Variants in GALNT17 observed in about 807,000 individuals in gnomAD.
GALNT17 encodes the protein UDP-GalNAc:polypeptide N-acetylgalactosaminyltransferase-like 3.
In GALNT17, 29 loss-of-function variants were observed where a neutral mutation model predicts 63.7. The ratio of observed to expected loss-of-function variants is 0.46; its 90% CI spans 0.34 to 0.62. The LOEUF (loss-of-function observed/expected upper bound fraction) is 0.62, where lower values mean the gene tolerates loss of function less well. Among genes scored for constraint, GALNT17 ranks in the 20% least tolerant of loss-of-function variants. The pLI, the probability that GALNT17 is intolerant of heterozygous loss-of-function variation, is 0.01. For synonymous variants in GALNT17, 305 were observed against 318.3 expected, an observed-to-expected ratio of 0.96 and a Z score of 0.45; for missense variants, 603 against 799.6, an observed-to-expected ratio of 0.75 and a Z score of 2.97.
At chr7:71,468,356 G>C (rs960422237) in intron 5 of GALNT17, among the ~76,000 whole-genome samples, 2 of 151,500 alleles carry the variant, frequency 1.3e-5, no homozygotes, top group Admixed American at 1.3e-4. Context: ...TCATATGATA[G>C]ATGAGATTGC....
At chr7:71,511,717 A>G (rs1788359488) in intron 5 of GALNT17, among the ~76,000 whole-genome samples, 1 of 152,076 alleles carries the variant, frequency 6.6e-6, no homozygotes, top group Admixed American at 6.6e-5. Flanking sequence ...AAATAAGTCT[A>G]CCATAGTGCC....
At chr7:71,489,789 C>A (rs1787976706) in intron 5 of GALNT17, among the ~76,000 whole-genome samples, 1 of 152,238 alleles carries the variant, frequency 6.6e-6, no homozygotes, top group Non-Finnish European at 1.5e-5. Flanking sequence ...TCAATGACCT[C>A]CACCTGACAA....
intron 5 of GALNT17, among the ~76,000 whole-genome samples, chr7:71,439,343 A>G (rs1184656775): frequency 2.6e-5 from 4 of 152,230 alleles, no homozygotes. Context: ...GGTGAAATAC[A>G]TGCTATTTCT....
At chr7:71,210,021 C>T (rs761315546) in intron 1 of GALNT17, among the ~76,000 whole-genome samples, 9 of 152,070 alleles carry the variant, frequency 5.9e-5, no homozygotes, top group Non-Finnish European at 1.0e-4. Flanking sequence ...CTCCTGGGTT[C>T]AAGCAATTCT....
intron 6 of GALNT17, among the ~76,000 whole-genome samples, chr7:71,632,625 A>T (rs1457528951): frequency 1.3e-5 from 2 of 152,152 alleles, no homozygotes; most frequent in Non-Finnish European, 2.9e-5. Context: ...ACCACGCTAG[A>T]CATGGATGGA....
intron 1 of GALNT17, among the ~76,000 whole-genome samples, chr7:71,321,867 T>TTTCCTTCCTTCCTTCC (rs1178713360): frequency 9.0e-4 from 42 of 46,896 alleles, no homozygotes; most frequent in East Asian, 5.6e-3. Context: ...CCTTCCTTCC[T>TTTCCTTCCTTCCTTCC]TTCCTTCCTT....
rs113770266 is a variant in GALNT17, at chr7:71,186,247, C to G, written c.238+53207C>G. Among the ~76,000 whole-genome samples, 109 of 152,326 alleles carry G rather than the reference C, an allele frequency of 7.2e-4. 3 individuals are homozygous for G. Among genetic ancestry groups the G allele is most frequent in the African/African-American group, 2.5e-3 (104 of 41,572 alleles). ...CCAGAAGCTAAAATTGCATCCCTCT[C>G]TACTCCCCTTTCCCCTTTATCCTCT... On this transcript the variant is annotated intron_variant, in intron 1 of 10. Coordinates refer to ENST00000333538, the MANE Select transcript of GALNT17 (RefSeq NM_022479.3).
intron 1 of GALNT17, among the ~76,000 whole-genome samples, chr7:71,217,620 C>T (rs1451858109): frequency 6.6e-6 from 1 of 151,930 alleles, no homozygotes; most frequent in Non-Finnish European, 1.5e-5. Context: ...AAGTCATGTA[C>T]ATAGTCGTTG....
intron 5 of GALNT17, among the ~76,000 whole-genome samples, chr7:71,519,263 A>G (rs1788488883): frequency 6.6e-6 from 1 of 152,192 alleles, no homozygotes; most frequent in Admixed American, 6.5e-5. Context: ...AACAGGGTCC[A>G]TTATCTTATG....
chr7:71,362,977 T>G (rs7791195), intron 2 of GALNT17, among the ~76,000 whole-genome samples: 1 of 150,596 alleles, frequency 6.6e-6, no homozygotes. Flanking sequence ...TTCTTTCTTT[T>G]TTTTTTTGAG....
intron 6 of GALNT17, among the ~76,000 whole-genome samples, chr7:71,587,862 A>G (rs1490488074): frequency 2.0e-5 from 3 of 152,242 alleles, no homozygotes; most frequent in Non-Finnish European, 4.4e-5. Context: ...TATGCAGATT[A>G]TGTGTAATAA....
At chr7:71,327,034 G>T (rs564495792) in intron 1 of GALNT17, among the ~76,000 whole-genome samples, 80 of 152,186 alleles carry the variant, frequency 5.3e-4, no homozygotes, top group African/African-American at 1.9e-3. Context: ...GTAATAGATG[G>T]CCTGAAGCTG....
At chr7:71,192,143 A>C (rs1375847863) in intron 1 of GALNT17, among the ~76,000 whole-genome samples, 1 of 152,118 alleles carries the variant, frequency 6.6e-6, no homozygotes. Context: ...CGAGAGAAAG[A>C]TGAAGGCCGG....
intron 5 of GALNT17, among the ~76,000 whole-genome samples, chr7:71,522,663 G>C (rs987804330): frequency 1.3e-5 from 2 of 152,136 alleles, no homozygotes; most frequent in African/African-American, 4.8e-5. Context: ...TGAGATTTGG[G>C]TGGGGACATA....
chr7:71,521,590 T>C (rs2116752716), intron 5 of GALNT17, among the ~76,000 whole-genome samples: 1 of 152,378 alleles, frequency 6.6e-6, no homozygotes, highest in East Asian at 1.9e-4. Flanking sequence ...TCACCGTGAC[T>C]GAACGCAGTT....
At chr7:71,458,463 T>A (rs925247062) in intron 5 of GALNT17, among the ~76,000 whole-genome samples, 1 of 152,184 alleles carries the variant, frequency 6.6e-6, no homozygotes, top group Non-Finnish European at 1.5e-5. Flanking sequence ...TTGGGCATGT[T>A]GCATTTATAC....
intron 1 of GALNT17, among the ~76,000 whole-genome samples, chr7:71,279,735 C>G (rs1790746679): frequency 6.6e-6 from 1 of 150,866 alleles, no homozygotes; most frequent in Non-Finnish European, 1.5e-5. Context: ...CATGGAGGGT[C>G]TTTGATAGAG....
intron 6 of GALNT17, among the ~76,000 whole-genome samples, chr7:71,574,163 T>C (rs1482365071): frequency 6.6e-6 from 1 of 152,218 alleles, no homozygotes; most frequent in Admixed American, 6.5e-5. Context: ...TGTATTCTTT[T>C]GGGTCTATAC....
intron 1 of GALNT17, among the ~76,000 whole-genome samples, chr7:71,332,597 A>G (rs1791825901): frequency 6.6e-6 from 1 of 152,132 alleles, no homozygotes. Context: ...CTCATGTTGG[A>G]TAGCCTTTCA....
Sources: allele counts gnomAD v4.1 joint callset (sites outside exome capture counted in the v4.1 genomes callset), GRCh38; gene constraint gnomAD v4.1.1; transcripts MANE v1.5; gene names NCBI Gene and HGNC (gene_info 2026-07-23, HGNC 2026-07-21).